The following BCKDHB variants were observed in gnomAD, a reference collection of about 807,000 sequenced individuals.
The protein encoded by BCKDHB is 2-oxoisovalerate dehydrogenase subunit beta, mitochondrial.
BCKDHB carries 41 observed loss-of-function variants against 48.5 expected under a neutral mutation model. That is an observed-to-expected ratio of 0.85 (90% confidence interval 0.66 to 1.10). The LOEUF (loss-of-function observed/expected upper bound fraction) is 1.10, where lower values mean the gene tolerates loss of function less well. Ranked by LOEUF, BCKDHB falls within the 50% of genes least tolerant of loss-of-function variation. The pLI, the probability that BCKDHB is intolerant of heterozygous loss-of-function variation, is 0.00. For synonymous variants in BCKDHB, 201 were observed against 174.8 expected (o/e 1.15, Z -1.18); for missense variants, 496 against 494.2 (o/e 1.00, Z -0.03).
chr6:80,358,081 T>G, the BCKDHB span, among the ~76,000 whole-genome samples: 48 of 152,204 alleles, frequency 3.2e-4, no homozygotes, highest in Non-Finnish European at 5.9e-4. Context: ...ATTGCTTAAT[T>G]TTCTTCTCAC....
At chr6:80,287,119 C>T (rs1409942005) in intron 9 of BCKDHB, among the ~76,000 whole-genome samples, 1 of 152,082 alleles carries the variant, frequency 6.6e-6, no homozygotes, top group Non-Finnish European at 1.5e-5. Flanking sequence ...GTTCTCTTTC[C>T]CACCAAGTTC....
intron 8 of BCKDHB, among the ~76,000 whole-genome samples, chr6:80,241,400 C>T (rs576634893): frequency 6.3e-4 from 96 of 152,238 alleles, no homozygotes; most frequent in South Asian, 2.1e-3. Flanking sequence ...ATCTACCTTT[C>T]GTCTTTGATG....
chr6:80,267,552 T>C lies in BCKDHB; in HGVS notation c.952-5583T>C, dbSNP rs148128351. Reference sequence around the variant, plus strand: ...GAAGGAAGTCTGAGGTGGAAAACCATCAATCACATTCAGAGTTGTGAGGGG... The same window carrying C: ...GAAGGAAGTCTGAGGTGGAAAACCACCAATCACATTCAGAGTTGTGAGGGG... On this transcript the variant is annotated intron_variant, in intron 8 of 9. Transcript: ENST00000320393. Among the ~76,000 whole-genome samples the C allele has an allele frequency of 5.6e-3, 849 of 152,114 alleles. 8 individuals carry two copies. Among genetic ancestry groups the C allele is most frequent in the African/African-American group, 0.019 (807 of 41,492 alleles).
chr6:80,153,269 T>C lies in BCKDHB; in HGVS notation c.344-14409T>C, dbSNP rs553455613. Among the ~76,000 whole-genome samples the C allele has an allele frequency of 3.9e-5, 6 of 152,256 alleles. No individual in the cohort carries two copies. The South Asian group carries it at 1.2e-3, about 32-fold the overall frequency. On this transcript the variant is annotated intron_variant, in intron 3 of 9. Coordinates refer to ENST00000320393, the MANE Select transcript of BCKDHB (RefSeq NM_183050.4). ...CCTTGGTGCCCATTCATGGTCTTGC[T>C]AATGGAACAGGATTTGGGTTCATAG...
the BCKDHB span, among the ~76,000 whole-genome samples, chr6:80,458,760 G>A: frequency 6.6e-6 from 1 of 152,228 alleles, no homozygotes; most frequent in African/African-American, 2.4e-5. Flanking sequence ...TGGGGTGACT[G>A]AGACTTATAT....
At chr6:80,411,845 A>G in the BCKDHB span, among the ~76,000 whole-genome samples, 2 of 152,200 alleles carry the variant, frequency 1.3e-5, no homozygotes, top group Non-Finnish European at 2.9e-5. Context: ...GCAGAAGTGT[A>G]TCAGTTTTCC....
chr6:80,434,769 T>G, the BCKDHB span, among the ~76,000 whole-genome samples: 1 of 152,158 alleles, frequency 6.6e-6, no homozygotes, highest in African/African-American at 2.4e-5. Flanking sequence ...TTATGAAATC[T>G]CTCTACTCTG....
At chr6:80,209,271 G>A (rs192359755) in intron 8 of BCKDHB, among the ~76,000 whole-genome samples, 118 of 151,896 alleles carry the variant, frequency 7.8e-4, no homozygotes, top group African/African-American at 2.6e-3. Flanking sequence ...GAAAAATTTC[G>A]TGATACGTAT....
At chr6:80,356,071 TG>T in the BCKDHB span, 1 of 152,246 alleles carries the variant, frequency 6.6e-6, no homozygotes, top group Non-Finnish European at 1.5e-5. Flanking sequence ...GTGAATTAAC[TG>T]ACCGATTGTT....
chr6:80,230,472 G>A (rs1182356276), intron 8 of BCKDHB, among the ~76,000 whole-genome samples: 1 of 152,122 alleles, frequency 6.6e-6, no homozygotes, highest in Non-Finnish European at 1.5e-5. Flanking sequence ...ATGTAAACAA[G>A]CTATGGCTGG....
At chr6:80,198,877 A>G (rs1351351224) in intron 6 of BCKDHB, among the ~76,000 whole-genome samples, 1 of 152,196 alleles carries the variant, frequency 6.6e-6, no homozygotes, top group Admixed American at 6.5e-5. Flanking sequence ...AGATTTCTGG[A>G]GTCCTTGAGA....
chr6:80,142,409 A>G (rs1409827823), intron 3 of BCKDHB, among the ~76,000 whole-genome samples: 4 of 152,092 alleles, frequency 2.6e-5, no homozygotes, highest in Non-Finnish European at 1.5e-5. Context: ...ATTCCTAGGT[A>G]TAGCTGACCC....
At chr6:80,258,852 A>G (rs1346922020) in intron 8 of BCKDHB, among the ~76,000 whole-genome samples, 2 of 152,130 alleles carry the variant, frequency 1.3e-5, no homozygotes, top group Middle Eastern at 3.4e-3. Context: ...CCTTTACACT[A>G]TAACTCTTGG....
intron 8 of BCKDHB, among the ~76,000 whole-genome samples, chr6:80,223,012 T>C (rs771440659): frequency 9.2e-5 from 14 of 152,120 alleles, no homozygotes; most frequent in Non-Finnish European, 1.9e-4. Context: ...GTTGGCAAGA[T>C]CTAAAGATGA....
chr6:80,115,914 G>A (rs1356096461), intron 1 of BCKDHB, among the ~76,000 whole-genome samples: 2 of 89,828 alleles, frequency 2.2e-5, no homozygotes, highest in Non-Finnish European at 4.4e-5. Flanking sequence ...AGTTTCTAAG[G>A]AATATGAGGA....
At chr6:80,349,906 C>T (rs941302895), downstream of BCKDHB, among the ~76,000 whole-genome samples, 1 of 151,966 alleles carries the variant, frequency 6.6e-6, no homozygotes, top group South Asian at 2.1e-4. Flanking sequence ...TGGTTATATA[C>T]ATAGTAGAAT....
chr6:80,195,379 T>C (rs1262699626), intron 6 of BCKDHB, among the ~76,000 whole-genome samples: 6 of 152,106 alleles, frequency 3.9e-5, no homozygotes, highest in Non-Finnish European at 8.8e-5. Context: ...TTCTTATCTC[T>C]AGCATCAGTG....
At chr6:80,441,031 A>C in the BCKDHB span, 1 of 152,146 alleles carries the variant, frequency 6.6e-6, no homozygotes, top group African/African-American at 2.4e-5. Context: ...TCCTGAGCTC[A>C]AAAGGTCTAT....
chr6:80,162,924 C>G (rs1772390309), intron 3 of BCKDHB, among the ~76,000 whole-genome samples: 1 of 151,476 alleles, frequency 6.6e-6, no homozygotes, highest in South Asian at 2.1e-4. Context: ...TCTCTTCTCT[C>G]TCTCTCTTTT....
Sources: gnomAD v4.1 joint callset for allele counts (sites outside exome capture counted in the v4.1 genomes callset) on GRCh38, gnomAD v4.1.1 for gene constraint, MANE v1.5 for transcripts, NCBI Gene and HGNC (gene_info 2026-07-23, HGNC 2026-07-21) for gene names.